The following AHI1 variants were observed in gnomAD, a reference collection of about 807,000 sequenced individuals.
AHI1 encodes the protein Abelson helper integration site 1.
A neutral mutation model predicts 149.3 loss-of-function variants in AHI1; 123 were observed. That is an observed-to-expected ratio of 0.82 (90% CI 0.71 to 0.96). The LOEUF (loss-of-function observed/expected upper bound fraction) is 0.96. Ranked by LOEUF, AHI1 falls within the 40% of genes least tolerant of loss-of-function variation. The pLI is 0.00. For missense variants in AHI1, 1,439 were observed against 1,422.7 expected (o/e 1.01, Z -0.18); for synonymous variants, 475 against 459.8 (o/e 1.03, Z -0.42).
intron 24 of AHI1, among the ~76,000 whole-genome samples, chr6:135,355,902 AAAAC>A (rs144981184): frequency 0.041 from 6,261 of 151,400 alleles, 152 homozygotes; most frequent in African/African-American, 0.06. Flanking sequence ...CTGTCTCAAA[AAAAC>A]AAACAAACAA....
chr6:135,432,976 T>TA lies in AHI1; in HGVS notation c.2266+50dup, dbSNP rs559358265. 3.1e-4 allele frequency: 421 copies of TA among 1,361,442 alleles called. 1 individual carries two copies. The highest frequency in any genetic ancestry group is 5.5e-4 in the Middle Eastern group (3 of 5,466). 84.3% of individuals were successfully genotyped at this position (1,361,442 alleles called of 1,614,324 possible). ...CAAGCCTAAATAACTATTATTCTGG[T>TA]AAAAAAAAATTCTTCACATAGCTGG... On this transcript the variant is annotated intron_variant, in intron 16 of 28. Coordinates refer to ENST00000265602, the MANE Select transcript of AHI1 (RefSeq NM_001134831.2).
At chr6:135,428,197 T>A (rs1221102317) in intron 19 of AHI1, among the ~76,000 whole-genome samples, 1 of 151,654 alleles carries the variant, frequency 6.6e-6, no homozygotes, top group Non-Finnish European at 1.5e-5. Flanking sequence ...TCAGGCAACT[T>A]GCTATTTAAG....
intron 5 of AHI1, among the ~76,000 whole-genome samples, chr6:135,470,036 A>T (rs1012832640): frequency 2.6e-5 from 4 of 152,124 alleles, no homozygotes; most frequent in African/African-American, 9.7e-5. Context: ...GACAACCTAC[A>T]GAATGGGAGA....
intron 16 of AHI1, among the ~76,000 whole-genome samples, chr6:135,432,204 GATCTGGATCCCATACCAATTAAT>G (rs534202345): frequency 2.0e-4 from 31 of 151,858 alleles, no homozygotes; most frequent in African/African-American, 7.2e-4. Context: ...TTATCCTTTT[GATCTGGATCCCATACCAATTAAT>G]TATAGCGCTA....
chr6:135,494,116 G>T (rs1795640843), intron 3 of AHI1, among the ~76,000 whole-genome samples: 1 of 152,222 alleles, frequency 6.6e-6, no homozygotes, highest in African/African-American at 2.4e-5. Context: ...AGAATAAGTA[G>T]ATTAGTAGTA....
intron 24 of AHI1, among the ~76,000 whole-genome samples, chr6:135,323,610 A>G (rs1787208659): frequency 1.3e-5 from 2 of 152,226 alleles, no homozygotes; most frequent in Non-Finnish European, 2.9e-5. Context: ...TGTGAAGCAA[A>G]TAAAAAAAAG....
In AHI1 at chr6:135,401,311, T is replaced by C. The variant is rs141431680; in HGVS notation, c.2988+3640A>G. 2.9e-3 allele frequency among the ~76,000 whole-genome samples: 448 copies of C among 152,360 alleles called. 6 individuals are homozygous for C. Among genetic ancestry groups the C allele is most frequent in the Middle Eastern group, 0.014 (4 of 294 alleles). On this transcript the variant is annotated intron_variant, in intron 22 of 28. Transcript: ENST00000265602. ...CCTTATTTGTTTCCTTTTAAGATTA[T>C]GTGTCTCTCTACAATAAAAGGTTCT...
At chr6:135,400,596 T>C (rs1326635788) in intron 22 of AHI1, among the ~76,000 whole-genome samples, 4 of 152,222 alleles carry the variant, frequency 2.6e-5, no homozygotes, top group Non-Finnish European at 5.9e-5. Flanking sequence ...GTGTGTGTTA[T>C]TCCTCCCTGA....
intron 22 of AHI1, among the ~76,000 whole-genome samples, chr6:135,397,219 T>A (rs1404409838): frequency 6.6e-6 from 1 of 151,976 alleles, no homozygotes; most frequent in Admixed American, 6.6e-5. Flanking sequence ...CTCAAATCAT[T>A]TTCAAAGCAA....
At chr6:135,396,067 C>T (rs1006686744) in intron 22 of AHI1, among the ~76,000 whole-genome samples, 1 of 150,974 alleles carries the variant, frequency 6.6e-6, no homozygotes. Context: ...TTAGGTTTTT[C>T]TCTTAGAGCA....
intron 20 of AHI1, among the ~76,000 whole-genome samples, chr6:135,416,177 C>T (rs905943222): frequency 1.3e-5 from 2 of 151,838 alleles, no homozygotes; most frequent in African/African-American, 4.8e-5. Flanking sequence ...AAGCAAATGA[C>T]AAAATTGTAA....
chr6:135,496,698 G>A (rs1473295241), intron 2 of AHI1, among the ~76,000 whole-genome samples: 1 of 152,128 alleles, frequency 6.6e-6, no homozygotes, highest in Non-Finnish European at 1.5e-5. Flanking sequence ...AAAAAACTGA[G>A]AGGCTTGATA....
At chr6:135,400,018 T>G (rs907927823) in intron 22 of AHI1, among the ~76,000 whole-genome samples, 5 of 152,052 alleles carry the variant, frequency 3.3e-5, no homozygotes, top group African/African-American at 9.7e-5. Flanking sequence ...CAGTCCCCAA[T>G]AGTTATCTTT....
intron 22 of AHI1, among the ~76,000 whole-genome samples, chr6:135,396,738 C>T (rs1025436649): frequency 6.6e-6 from 1 of 151,556 alleles, no homozygotes; most frequent in South Asian, 2.1e-4. Flanking sequence ...TCAAGTAATG[C>T]ATTTAAAAAT....
intron 28 of AHI1, among the ~76,000 whole-genome samples, chr6:135,285,859 T>C (rs992149302): frequency 2.0e-5 from 3 of 152,228 alleles, no homozygotes; most frequent in African/African-American, 7.2e-5. Flanking sequence ...TTTGTATCAT[T>C]AGCAATTGTT....
At chr6:135,340,675 A>ATG (rs1313574827) in intron 24 of AHI1, among the ~76,000 whole-genome samples, 4 of 132,924 alleles carry the variant, frequency 3.0e-5, no homozygotes, top group Admixed American at 1.5e-4. Flanking sequence ...ATATATATAT[A>ATG]TATATATATA....
intron 23 of AHI1, among the ~76,000 whole-genome samples, chr6:135,364,954 TGGGAGC>T (rs1310717767): frequency 2.1e-5 from 3 of 144,040 alleles, no homozygotes; most frequent in South Asian, 2.1e-4. Context: ...GGAGAGGGAG[TGGGAGC>T]GGGAGCGTCT....
At chr6:135,410,853 G>A (rs1781482560) in intron 21 of AHI1, among the ~76,000 whole-genome samples, 1 of 151,934 alleles carries the variant, frequency 6.6e-6, no homozygotes, top group South Asian at 2.1e-4. Flanking sequence ...TCCTTTTTTG[G>A]GGAAGCAGGG....
chr6:135,460,363 GGAGA>G (rs1216918161), intron 8 of AHI1, among the ~76,000 whole-genome samples: 2 of 152,062 alleles, frequency 1.3e-5, no homozygotes, highest in African/African-American at 4.8e-5. Context: ...ATAAATCTAA[GGAGA>G]GATTCTGCTG....
Sources: allele counts gnomAD v4.1 joint callset (sites outside exome capture counted in the v4.1 genomes callset), GRCh38; gene constraint gnomAD v4.1.1; transcripts MANE v1.5; gene names NCBI Gene and HGNC (gene_info 2026-07-23, HGNC 2026-07-21).